SYNE2: variants seen among roughly 807,000 people sequenced by gnomAD.
The protein encoded by SYNE2 is spectrin repeat containing nuclear envelope protein 2.
SYNE2 carries 431 observed loss-of-function variants against 856.3 expected under a neutral mutation model. The ratio of observed to expected loss-of-function variants is 0.50; its 90% CI spans 0.47 to 0.55. The LOEUF (loss-of-function observed/expected upper bound fraction) is 0.55, where lower values mean the gene tolerates loss of function less well. Among genes scored for constraint, SYNE2 ranks in the 20% least tolerant of loss-of-function variants. The pLI, the probability that SYNE2 is intolerant of heterozygous loss-of-function variation, is 0.00. For synonymous variants in SYNE2, 2,923 were observed against 2,872.3 expected, an observed-to-expected ratio of 1.02 and a Z score of -0.56; for missense variants, 8,129 against 8,023.2, an observed-to-expected ratio of 1.01 and a Z score of -0.50.
chr14:63,837,235 T>A lies in SYNE2; in HGVS notation c.-304-15266T>A, dbSNP rs78746008. 4.8e-4 allele frequency among the ~76,000 whole-genome samples: 73 copies of A among 152,330 alleles called. No homozygotes were observed. The East Asian group carries it at 0.013, about 27-fold the overall frequency. ...AATGAATGGTGTTGGGACAATTGAA[T>A]ATTCAGATGCAAAAGACTGAAGCTG... On this transcript the variant is annotated intron_variant, in intron 1 of 23. Coordinates refer to the SYNE2 transcript ENST00000674003.
intron 49 of SYNE2, among the ~76,000 whole-genome samples, chr14:64,062,179 T>C (rs1000625102): frequency 6.6e-6 from 1 of 152,202 alleles, no homozygotes; most frequent in Non-Finnish European, 1.5e-5. Flanking sequence ...AAATACTTTC[T>C]AAAAGTAATG....
chr14:63,792,853 A>G (rs1887784430), intron 1 of SYNE2, among the ~76,000 whole-genome samples: 1 of 151,462 alleles, frequency 6.6e-6, no homozygotes, highest in South Asian at 2.1e-4. Flanking sequence ...ATAATTTTTT[A>G]TTTTTTGTAG....
intron 54 of SYNE2, among the ~76,000 whole-genome samples, chr14:64,076,729 T>G (rs968171225): frequency 3.6e-5 from 5 of 138,972 alleles, no homozygotes; most frequent in Admixed American, 3.2e-4. Context: ...TGGTCTGGTA[T>G]CCACAGAAGG....
intron 89 of SYNE2, among the ~76,000 whole-genome samples, chr14:64,164,722 C>T (rs2098360949): frequency 6.6e-6 from 1 of 152,152 alleles, no homozygotes; most frequent in South Asian, 2.1e-4. Context: ...ATGTGGTCTC[C>T]TCAGGCGGGT....
At position 64,141,964 on chromosome 14, in the gene SYNE2, C is replaced by T. The variant is rs772100870; in HGVS notation, c.15182C>T (p.Ser5061Phe). The change falls in exon 82 of 116, where the codon TCT becomes TTT. Residue 5061 changes from serine (S) to phenylalanine (F), a missense_variant. Around this residue, in one of 3 missense-constraint regions of SYNE2, gnomAD observed 5,410 missense variants for 5,284.8 expected, o/e 1.02. Transcript: ENST00000555002. ...LHQLQMEKLP[S>F]RKAITEMISW... ...CAGCTTCAAATGGAGAAATTGCCGT[C>T]TCGTAAAGCAATCACAGAAATGATT... The T allele has an allele frequency of 1.9e-6, 3 of 1,614,048 alleles. No homozygotes were observed. The highest frequency in any genetic ancestry group is 2.5e-6 in the Non-Finnish European group (3 of 1,179,994).
intron 53 of SYNE2, 136 bp from the exon 54 acceptor site, chr14:64,075,809 G>A (rs1379082636): frequency 3.5e-6 from 3 of 851,316 alleles, no homozygotes; most frequent in Non-Finnish European, 5.8e-6. Flanking sequence ...TAATCAGCTT[G>A]TATCACTAGT....
chr14:63,967,338 C>T (rs1053959898), intron 10 of SYNE2, among the ~76,000 whole-genome samples: 23 of 152,140 alleles, frequency 1.5e-4, no homozygotes, highest in African/African-American at 5.3e-4. Flanking sequence ...TGACTACTGC[C>T]GTCATATAAT....
At chr14:64,184,602 G>C (rs1596067538) in intron 96 of SYNE2, among the ~76,000 whole-genome samples, 3 of 152,306 alleles carry the variant, frequency 2.0e-5, no homozygotes, top group Admixed American at 1.3e-4. Flanking sequence ...TTGAAGCTCA[G>C]AGGTTTCCAG....
intron 76 of SYNE2, among the ~76,000 whole-genome samples, chr14:64,131,273 G>T (rs1313049128): frequency 1.3e-5 from 2 of 152,066 alleles, no homozygotes; most frequent in South Asian, 4.1e-4. Flanking sequence ...TTAGGAGAAG[G>T]GATTCACATA....
intron 51 of SYNE2, among the ~76,000 whole-genome samples, chr14:64,069,722 C>T (rs2097388987): frequency 6.6e-6 from 1 of 152,120 alleles, no homozygotes; most frequent in South Asian, 2.1e-4. Flanking sequence ...CTGGCATGCC[C>T]CAGGCCACTA....
intron 18 of SYNE2, among the ~76,000 whole-genome samples, chr14:63,985,262 G>A (rs578034788): frequency 5.1e-4 from 77 of 150,688 alleles, no homozygotes; most frequent in African/African-American, 1.7e-3. Flanking sequence ...CCCGGGAGGC[G>A]GAGGTTGCCG....
At position 63,908,385 on chromosome 14, in the gene SYNE2, G is replaced by A. The variant is rs557943422; in HGVS notation, c.-51-713G>A. ...TTTGATCATCCATATGGGAGAAGTC[G>A]GTGTTTTATACTTATCCTCCAGAAA... On this transcript the variant is annotated intron_variant, in intron 1 of 115. Coordinates refer to ENST00000555002, the MANE Select transcript of SYNE2 (RefSeq NM_182914.3). Among the ~76,000 whole-genome samples the A allele has an allele frequency of 4.5e-4, 68 of 152,102 alleles. 1 individual carries two copies. Among genetic ancestry groups the A allele is most frequent in the African/African-American group, 1.5e-3 (63 of 41,492 alleles).
intron 1 of SYNE2, among the ~76,000 whole-genome samples, chr14:63,864,081 G>A (rs909754941): frequency 1.3e-5 from 2 of 152,164 alleles, no homozygotes; most frequent in African/African-American, 4.8e-5. Context: ...CCAAAGTGCT[G>A]GGATTACAGG....
At chr14:63,772,740 C>T (rs1337913812) in intron 1 of SYNE2, among the ~76,000 whole-genome samples, 1 of 151,980 alleles carries the variant, frequency 6.6e-6, no homozygotes, top group Non-Finnish European at 1.5e-5. Context: ...AAGATTCTGT[C>T]TCAAAAACAG....
intron 1 of SYNE2, among the ~76,000 whole-genome samples, chr14:63,767,217 T>C (rs142803223): frequency 4.0e-5 from 6 of 151,734 alleles, no homozygotes; most frequent in African/African-American, 1.2e-4. Flanking sequence ...GCAATTCTCC[T>C]GCCTTAGCCT....
At chr14:63,951,290 T>C (rs889609462) in intron 7 of SYNE2, among the ~76,000 whole-genome samples, 3 of 152,102 alleles carry the variant, frequency 2.0e-5, no homozygotes, top group African/African-American at 7.2e-5. Context: ...GAAGTTCTGC[T>C]TTCAGCCTTA....
chr14:64,038,818 C>CAGAGGGAGACCGTGGAAAG (rs2097124935), intron 45 of SYNE2, among the ~76,000 whole-genome samples: 1 of 152,160 alleles, frequency 6.6e-6, no homozygotes, highest in African/African-American at 2.4e-5. Context: ...GGCTCGGCAT[C>CAGAGGGAGACCGTGGAAAG]AGAGGGAGAC....
In SYNE2 at chr14:64,214,450, C is replaced by T. The variant is rs149508344; in HGVS notation, c.19313C>T (p.Pro6438Leu). Residue 6438 changes from proline (P) to leucine (L), a missense_variant, in exon 106 of 116, where the codon CCA becomes CTA. Pro to Leu is a moderately conservative substitution (Grantham distance 98). Coordinates refer to ENST00000555002, the MANE Select transcript of SYNE2 (RefSeq NM_182914.3). The part of the protein sequence containing the change: ...SSSHEEDEEG[P>L]YYSALSDVEI... ...TCTCACGAAGAGGACGAGGAGGGCC[C>T]ATACTACAGCGCACTGTCAGGTAAC... The T allele has an allele frequency of 5.0e-5, 80 of 1,613,136 alleles. No homozygotes were observed. The African/African-American group carries it at 9.2e-4, about 19-fold the overall frequency.
chr14:64,074,365 G>A (rs1410515195), intron 53 of SYNE2, among the ~76,000 whole-genome samples: 1 of 152,340 alleles, frequency 6.6e-6, no homozygotes, highest in East Asian at 1.9e-4. Flanking sequence ...AGGTAGGCCA[G>A]TCTGGACCAA....
Sources: gnomAD v4.1 joint callset for allele counts (sites outside exome capture counted in the v4.1 genomes callset) on GRCh38, gnomAD v4.1.1 for gene constraint, gnomAD v4.1.1 regional missense constraint, MANE v1.5 for transcripts, NCBI Gene and HGNC (gene_info 2026-07-23, HGNC 2026-07-21) for gene names.